Variants in RCOR1 observed in about 807,000 individuals in gnomAD.
RCOR1 encodes the protein REST corepressor 1.
RCOR1 carries 12 observed loss-of-function variants against 64.0 expected under a neutral mutation model. The observed-to-expected ratio is 0.19, with a 90% confidence interval of 0.12 to 0.30. The LOEUF (loss-of-function observed/expected upper bound fraction) is 0.30. RCOR1 is among the 10% of genes least tolerant of loss of function. RCOR1 has a pLI of 1.00. For synonymous variants in RCOR1, 279 were observed against 227.2 expected (o/e 1.23, Z -2.05); for missense variants, 502 against 621.2 (o/e 0.81, Z 2.04).
intron 2 of RCOR1, among the ~76,000 whole-genome samples, chr14:102,663,736 T>C (rs180806775): frequency 6.6e-6 from 1 of 152,346 alleles, no homozygotes; most frequent in Admixed American, 6.5e-5. Flanking sequence ...AACCTGAGCC[T>C]AAAACATTTC....
At chr14:102,594,662 CTTT>C (rs879395980) in intron 2 of RCOR1, among the ~76,000 whole-genome samples, 1 of 140,566 alleles carries the variant, frequency 7.1e-6, no homozygotes, top group Non-Finnish European at 1.6e-5. Flanking sequence ...CTCCCCAATT[CTTT>C]TTTTTTTTTT....
intron 3 of RCOR1, among the ~76,000 whole-genome samples, chr14:102,697,963 C>T (rs1244284145): frequency 2.0e-5 from 3 of 152,190 alleles, no homozygotes; most frequent in Non-Finnish European, 2.9e-5. Flanking sequence ...TCAAGTGATC[C>T]TCTTGCCTCA....
At chr14:102,597,424 G>A (rs1301600502) in intron 2 of RCOR1, among the ~76,000 whole-genome samples, 2 of 151,334 alleles carry the variant, frequency 1.3e-5, no homozygotes, top group Admixed American at 1.3e-4. Context: ...CATCTCCTGG[G>A]TTCAAGCGAT....
rs1895753418 is a variant in RCOR1 at position 102,701,273 on chromosome 14, T to G, written c.446-5T>G. On this transcript the variant is annotated splice_polypyrimidine_tract_variant and splice_region_variant and intron_variant, in intron 3 of 11. Coordinates refer to ENST00000262241, the MANE Select transcript of RCOR1 (RefSeq NM_015156.4). The stretch of plus-strand genomic sequence containing the variant: ...TGTTTAATGGCATCTCTTCTTGTTT[T>G]TCAGTGGATGAATACATTGCCATTG... 1 of 1,612,364 alleles carries G rather than the reference T, an allele frequency of 6.2e-7. No individual in the cohort carries two copies. The highest frequency in any genetic ancestry group is 8.5e-7 in the Non-Finnish European group (1 of 1,178,494).
At chr14:102,617,867 C>T (rs538025884) in intron 2 of RCOR1, among the ~76,000 whole-genome samples, 4 of 151,894 alleles carry the variant, frequency 2.6e-5, no homozygotes, top group African/African-American at 9.7e-5. Flanking sequence ...GGATTACAGG[C>T]GTGAGCCACC....
chr14:102,703,552 A>G (rs528492765), intron 4 of RCOR1, among the ~76,000 whole-genome samples: 11 of 152,342 alleles, frequency 7.2e-5, no homozygotes, highest in African/African-American at 2.6e-4. Context: ...GGTCTGATAT[A>G]TTCAAAGCAG....
At chr14:102,616,206 A>G (rs1005002280) in intron 2 of RCOR1, among the ~76,000 whole-genome samples, 35 of 149,264 alleles carry the variant, frequency 2.3e-4, no homozygotes, top group Admixed American at 1.1e-3. Flanking sequence ...ACATGTGTAT[A>G]TGTGTGTGTG....
chr14:102,700,868 G>C (rs1389834529), intron 3 of RCOR1, among the ~76,000 whole-genome samples: 2 of 152,192 alleles, frequency 1.3e-5, no homozygotes, highest in Non-Finnish European at 2.9e-5. Flanking sequence ...CCCGAGACTG[G>C]GAAGAAAAAG....
In RCOR1 at chr14:102,714,617, G is replaced by A; in HGVS notation, c.1053G>A (p.Gln351=). The part of the protein sequence containing the change: ...LDMELVSVKR[Q]IQNIKQTNSA... ...TGGAATTGGTTTCAGTCAAACGACA[G>A]GTACTCATAAGCCTGGTCTTGGATG... The change falls in exon 8 of 12, where the codon CAG becomes CAA. Residue 351 remains glutamine (Q), a splice_region_variant and synonymous_variant. Coordinates refer to ENST00000262241, the MANE Select transcript of RCOR1 (RefSeq NM_015156.4). 2 of 1,600,062 alleles carry A rather than the reference G, an allele frequency of 1.2e-6. No homozygotes were observed. Among genetic ancestry groups the A allele is most frequent in the Non-Finnish European group, 1.7e-6 (2 of 1,171,458 alleles).
At chr14:102,617,085 G>C (rs950001910) in intron 2 of RCOR1, among the ~76,000 whole-genome samples, 1 of 152,202 alleles carries the variant, frequency 6.6e-6, no homozygotes, top group Non-Finnish European at 1.5e-5. Flanking sequence ...AGAGCAAATA[G>C]TGATAGAAAA....
chr14:102,673,536 T>C (rs545466315), intron 2 of RCOR1, among the ~76,000 whole-genome samples: 111 of 151,896 alleles, frequency 7.3e-4, no homozygotes, highest in South Asian at 1.2e-3. Context: ...GGGGTTTCAC[T>C]GTGTTAGCCA....
Position 102,726,722 on chromosome 14 carries a change from C to A in RCOR1, c.*216C>A. On this transcript the variant is annotated 3_prime_UTR_variant, in exon 12 of 12. Coordinates refer to ENST00000262241, the MANE Select transcript of RCOR1 (RefSeq NM_015156.4). ...TCCCAGAGAGCTCCACTGCATCTCACACTCTGCCCACGTGCTGGGGAAGTC... is the reference window on the plus strand; with the variant it reads ...TCCCAGAGAGCTCCACTGCATCTCAAACTCTGCCCACGTGCTGGGGAAGTC... The A allele has an allele frequency of 3.6e-6, 2 of 547,970 alleles. No individual in the cohort carries two copies. The highest frequency in any genetic ancestry group is 4.9e-5 in the South Asian group (2 of 41,144). The allele number at this position is 547,970 out of a possible 1,614,324, so 33.9% of individuals were successfully genotyped here. A position where few individuals can be genotyped will look rare whatever the true frequency, so the allele number is the denominator to read the frequency against.
Position 102,727,777 on chromosome 14 carries a change from A to G in RCOR1, c.*1271A>G, listed in dbSNP as rs76015769. 1 of 152,216 alleles carries G rather than the reference A, an allele frequency of 6.6e-6. No homozygotes were observed. The highest frequency in any genetic ancestry group is 2.4e-5 in the African/African-American group (1 of 41,460). The allele number at this position is 152,216 out of a possible 1,614,324, so 9.4% of individuals were successfully genotyped here. A position where few individuals can be genotyped will look rare whatever the true frequency, so the allele number is the denominator to read the frequency against. The stretch of plus-strand genomic sequence containing the variant: ...CCTTTTGGTTGGACTGGGAACAAGT[A>G]AAAATTTCTAATAAACATTTTGAGA... On this transcript the variant is annotated 3_prime_UTR_variant, in exon 12 of 12. Transcript: ENST00000262241.
At chr14:102,715,103 CTG>C (rs1896044615) in intron 8 of RCOR1, among the ~76,000 whole-genome samples, 1 of 151,202 alleles carries the variant, frequency 6.6e-6, no homozygotes, top group Admixed American at 6.6e-5. Context: ...GTGTCTCGCT[CTG>C]TCGCCCAGGC....
chr14:102,629,820 C>A (rs1023129566), intron 2 of RCOR1, among the ~76,000 whole-genome samples: 4 of 152,110 alleles, frequency 2.6e-5, no homozygotes, highest in Non-Finnish European at 5.9e-5. Context: ...CATAACAATC[C>A]TACACCACAC....
At chr14:102,713,873 G>A (rs753184864) in intron 7 of RCOR1, among the ~76,000 whole-genome samples, 7 of 152,144 alleles carry the variant, frequency 4.6e-5, no homozygotes, top group African/African-American at 9.7e-5. Context: ...TCTTAAAATG[G>A]TTACCAGTAA....
chr14:102,709,442 TAAAAA>T (rs942030644), intron 6 of RCOR1, among the ~76,000 whole-genome samples: 1 of 152,066 alleles, frequency 6.6e-6, no homozygotes, highest in African/African-American at 2.4e-5. Flanking sequence ...CAATTAATAA[TAAAAA>T]AATAAAATGA....
chr14:102,702,542 A>T (rs1302951042), intron 4 of RCOR1, among the ~76,000 whole-genome samples: 1 of 151,736 alleles, frequency 6.6e-6, no homozygotes, highest in African/African-American at 2.4e-5. Flanking sequence ...TCTTTCATAA[A>T]TTACTTTTTT....
intron 2 of RCOR1, among the ~76,000 whole-genome samples, chr14:102,648,443 C>G (rs770473180): frequency 7.2e-5 from 11 of 152,130 alleles, no homozygotes; most frequent in Non-Finnish European, 1.5e-4. Flanking sequence ...CTTGTATGTT[C>G]TCTGCCTCAT....
Sources: allele counts gnomAD v4.1 joint callset (sites outside exome capture counted in the v4.1 genomes callset), GRCh38; gene constraint gnomAD v4.1.1; transcripts MANE v1.5; gene names NCBI Gene and HGNC (gene_info 2026-07-23, HGNC 2026-07-21).